CCDC91: variants seen among roughly 807,000 people sequenced by gnomAD.
CCDC91 encodes coiled-coil domain-containing protein 91.
Under a neutral mutation model 63.2 loss-of-function variants are expected in CCDC91, and 48 were observed. That is an observed-to-expected ratio of 0.76 (90% CI 0.60 to 0.97). The LOEUF (loss-of-function observed/expected upper bound fraction) is 0.97. Ranked by LOEUF, CCDC91 falls within the 50% of genes least tolerant of loss-of-function variation. The probability of loss-of-function intolerance (pLI) is 0.00; values close to 1 mark genes in which losing one functional copy is unlikely to be tolerated. For synonymous variants in CCDC91, 167 were observed against 165.8 expected (o/e 1.01, Z -0.06); for missense variants, 500 against 494.6 (o/e 1.01, Z -0.10).
intron 6 of CCDC91, among the ~76,000 whole-genome samples, chr12:28,317,679 T>A (rs1000585013): frequency 1.3e-5 from 2 of 152,016 alleles, no homozygotes; most frequent in Non-Finnish European, 2.9e-5. Context: ...TTTTATTTTT[T>A]AATTTTTTTA....
At chr12:28,444,716 A>G (rs761987771) in intron 8 of CCDC91, among the ~76,000 whole-genome samples, 17 of 152,198 alleles carry the variant, frequency 1.1e-4, no homozygotes, top group Admixed American at 9.2e-4. Context: ...AGCAATAAAG[A>G]TAACTCTCGG....
chr12:28,500,405 T>G (rs1180661957), intron 12 of CCDC91, among the ~76,000 whole-genome samples: 1 of 152,282 alleles, frequency 6.6e-6, no homozygotes, highest in African/African-American at 2.4e-5. Flanking sequence ...GTTTTAGTCA[T>G]GAAGTCTTTG....
chr12:28,215,051 C>T (rs1466643529), intron 1 of CCDC91, among the ~76,000 whole-genome samples: 5 of 152,176 alleles, frequency 3.3e-5, no homozygotes, highest in Middle Eastern at 3.2e-3. Flanking sequence ...GGGTAGCCCT[C>T]ATCCACTCAA....
intron 6 of CCDC91, among the ~76,000 whole-genome samples, chr12:28,318,507 C>G (rs937656567): frequency 6.6e-5 from 10 of 151,954 alleles, no homozygotes; most frequent in African/African-American, 2.4e-4. Context: ...CACCACTGTA[C>G]TCTAACCTCA....
At chr12:28,488,613 G>A (rs1391679390) in intron 12 of CCDC91, among the ~76,000 whole-genome samples, 1 of 151,654 alleles carries the variant, frequency 6.6e-6, no homozygotes, top group African/African-American at 2.4e-5. Flanking sequence ...CTTTACTGTG[G>A]AATCAAAAAG....
intron 11 of CCDC91, among the ~76,000 whole-genome samples, chr12:28,481,359 G>A (rs1951438151): frequency 6.6e-6 from 1 of 151,886 alleles, no homozygotes; most frequent in Admixed American, 6.6e-5. Context: ...TAGTTCCAAG[G>A]TTGAGAAACC....
intron 7 of CCDC91, among the ~76,000 whole-genome samples, chr12:28,369,892 C>G (rs1944505977): frequency 6.6e-6 from 1 of 152,192 alleles, no homozygotes; most frequent in Non-Finnish European, 1.5e-5. Context: ...GCTGGAGTAG[C>G]TGGGACAGTG....
intron 8 of CCDC91, among the ~76,000 whole-genome samples, chr12:28,406,787 A>G (rs1294475593): frequency 6.6e-6 from 1 of 151,318 alleles, no homozygotes; most frequent in African/African-American, 2.4e-5. Context: ...GTTGATTTTT[A>G]TATATGGTAT....
chr12:28,290,534 G>A (rs1212672162), intron 3 of CCDC91, among the ~76,000 whole-genome samples: 1 of 152,148 alleles, frequency 6.6e-6, no homozygotes, highest in Non-Finnish European at 1.5e-5. Context: ...GTGTGGATTT[G>A]ATTCTGTCAT....
At chr12:28,394,737 T>TCTCTCTCTCTCTCTCTCTCTCTCTCTC (rs1216042442) in intron 8 of CCDC91, among the ~76,000 whole-genome samples, 10 of 151,726 alleles carry the variant, frequency 6.6e-5, no homozygotes, top group Non-Finnish European at 1.0e-4. Context: ...TCTCTCCCCC[T>TCTCTCTCTCTCTCTCTCTCTCTCTCTC]TTTTCAGATT....
At chr12:28,317,492 A>G (rs980665988) in intron 6 of CCDC91, among the ~76,000 whole-genome samples, 8 of 151,946 alleles carry the variant, frequency 5.3e-5, no homozygotes, top group Admixed American at 5.3e-4. Flanking sequence ...TTATTTTTGT[A>G]TACTGTTATT....
At chr12:28,293,288 G>A (rs1262087268) in intron 3 of CCDC91, among the ~76,000 whole-genome samples, 1 of 152,102 alleles carries the variant, frequency 6.6e-6, no homozygotes, top group East Asian at 1.9e-4. Flanking sequence ...GCAAATTGTG[G>A]CAAGCTTTAT....
chr12:28,284,862 C>T (rs1948818174), intron 3 of CCDC91, among the ~76,000 whole-genome samples: 1 of 152,130 alleles, frequency 6.6e-6, no homozygotes, highest in African/African-American at 2.4e-5. Context: ...TGGACTACCA[C>T]CTGTGAAATA....
intron 11 of CCDC91, among the ~76,000 whole-genome samples, chr12:28,475,508 G>T (rs1160473526): frequency 2.0e-5 from 3 of 152,042 alleles, no homozygotes; most frequent in African/African-American, 7.2e-5. Context: ...AGAAGGGCTT[G>T]TAGCTCCTTC....
At chr12:28,403,807 G>A (rs1387512808) in intron 8 of CCDC91, among the ~76,000 whole-genome samples, 1 of 152,056 alleles carries the variant, frequency 6.6e-6, no homozygotes, top group African/African-American at 2.4e-5. Flanking sequence ...AAATTTGTAG[G>A]CATACAGTTG....
At chr12:28,244,494 CTTTTTTT>C (rs3064681) in intron 1 of CCDC91, among the ~76,000 whole-genome samples, 32 of 38,426 alleles carry the variant, frequency 8.3e-4, no homozygotes, top group African/African-American at 3.1e-3. Context: ...TAGAAGAAGG[CTTTTTTT>C]TTTTTTTTTT....
chr12:28,277,691 A>T (rs978231446), intron 3 of CCDC91, among the ~76,000 whole-genome samples: 4 of 151,848 alleles, frequency 2.6e-5, no homozygotes, highest in Non-Finnish European at 4.4e-5. Flanking sequence ...TTTCACTTTG[A>T]TCAAGTAGGT....
rs146815815 is a variant in CCDC91, at chr12:28,297,563, T to C, written c.110-8086T>C. On this transcript the variant is annotated intron_variant, in intron 3 of 12. Transcript: ENST00000536442. ...GATTTCACATTTAAAATAAAGCAAA[T>C]TGTATCTATACTCTGCTTAAGCATT... Among the ~76,000 whole-genome samples the C allele has an allele frequency of 2.1e-4, 32 of 152,010 alleles. No individual in the cohort carries two copies. The East Asian group carries it at 5.4e-3, about 26-fold the overall frequency.
intron 1 of CCDC91, among the ~76,000 whole-genome samples, chr12:28,248,950 G>T (rs1447703442): frequency 6.6e-6 from 1 of 152,146 alleles, no homozygotes; most frequent in Non-Finnish European, 1.5e-5. Context: ...AGGCAGAAGG[G>T]TTCCTTTTTC....
Sources: allele counts gnomAD v4.1 joint callset (sites outside exome capture counted in the v4.1 genomes callset), GRCh38; gene constraint gnomAD v4.1.1; transcripts MANE v1.5; gene names NCBI Gene and HGNC (gene_info 2026-07-23, HGNC 2026-07-21).